NELL1: variants seen among roughly 807,000 people sequenced by gnomAD.
NELL1 encodes the protein protein kinase C-binding protein NELL1.
Under a neutral mutation model 107.4 loss-of-function variants are expected in NELL1, and 76 were observed. That is an observed-to-expected ratio of 0.71 (90% CI 0.59 to 0.86). The LOEUF is 0.86. Ranked by LOEUF, NELL1 falls within the 40% of genes least tolerant of loss-of-function variation. The pLI is 0.00. For synonymous variants in NELL1, 353 were observed against 341.2 expected (o/e 1.03, Z -0.38); for missense variants, 1,024 against 1,005.5 (o/e 1.02, Z -0.25).
At chr11:20,714,773 C>T (rs1161863322) in intron 2 of NELL1, among the ~76,000 whole-genome samples, 1 of 152,038 alleles carries the variant, frequency 6.6e-6, no homozygotes. Flanking sequence ...AAATACCTAG[C>T]AATTTCCTAC....
At chr11:20,893,376 T>A (rs892598076) in intron 5 of NELL1, among the ~76,000 whole-genome samples, 2 of 150,618 alleles carry the variant, frequency 1.3e-5, no homozygotes, top group African/African-American at 4.9e-5. Flanking sequence ...CGTGTTTTTT[T>A]TTTTAATAAA....
intron 2 of NELL1, among the ~76,000 whole-genome samples, chr11:20,743,826 A>C (rs1406789959): frequency 6.6e-6 from 1 of 152,196 alleles, no homozygotes; most frequent in East Asian, 1.9e-4. Context: ...TGAAAGGCAG[A>C]GTTAAATATC....
At chr11:20,754,790 G>A (rs1352412638) in intron 2 of NELL1, among the ~76,000 whole-genome samples, 1 of 152,082 alleles carries the variant, frequency 6.6e-6, no homozygotes, top group African/African-American at 2.4e-5. Context: ...CGTAACATAA[G>A]AATTCAATTT....
intron 4 of NELL1, among the ~76,000 whole-genome samples, chr11:20,854,336 C>T (rs1309684274): frequency 1.3e-5 from 2 of 152,134 alleles, no homozygotes; most frequent in African/African-American, 2.4e-5. Flanking sequence ...CTTCTTCCAC[C>T]TCTACCCTTC....
intron 12 of NELL1, among the ~76,000 whole-genome samples, chr11:21,050,483 G>A (rs1380119071): frequency 6.6e-6 from 1 of 151,932 alleles, no homozygotes; most frequent in Non-Finnish European, 1.5e-5. Flanking sequence ...CACAGGCTCT[G>A]AAATGACTGG....
intron 2 of NELL1, among the ~76,000 whole-genome samples, chr11:20,682,039 A>G (rs1854201752): frequency 6.6e-6 from 1 of 152,088 alleles, no homozygotes; most frequent in Admixed American, 6.6e-5. Flanking sequence ...CACATCTGCA[A>G]AATCTTTTTT....
Position 21,358,374 on chromosome 11 carries a change from G to A in NELL1, c.1550-12479G>A, listed in dbSNP as rs115194154. Among the ~76,000 whole-genome samples the A allele has an allele frequency of 7.0e-3, 1,067 of 151,744 alleles. 13 individuals carry two copies. Among genetic ancestry groups the A allele is most frequent in the African/African-American group, 0.024 (996 of 41,440 alleles). On this transcript the variant is annotated intron_variant, in intron 14 of 19. Transcript: ENST00000357134. ...AGGTCTTTCACCTCCTTGGGGCTAG[G>A]TGGTATATTTGTAAGGTTTTTTTTG...
chr11:21,223,078 T>C (rs1448838294), intron 13 of NELL1, among the ~76,000 whole-genome samples: 1 of 152,186 alleles, frequency 6.6e-6, no homozygotes, highest in African/African-American at 2.4e-5. Context: ...CCAGTTCAAA[T>C]CCAATCTTTT....
intron 15 of NELL1, among the ~76,000 whole-genome samples, chr11:21,473,289 C>T (rs1258661418): frequency 6.6e-6 from 1 of 151,868 alleles, no homozygotes; most frequent in Admixed American, 6.6e-5. Context: ...CTCTACAAGC[C>T]TCTGGATCTC....
chr11:21,365,854 C>T (rs1851206972), intron 14 of NELL1, among the ~76,000 whole-genome samples: 1 of 151,990 alleles, frequency 6.6e-6, no homozygotes, highest in African/African-American at 2.4e-5. Context: ...TAAAATAATA[C>T]AATTTTGCTC....
intron 12 of NELL1, among the ~76,000 whole-genome samples, chr11:21,049,288 T>C (rs1182970632): frequency 2.0e-5 from 3 of 152,162 alleles, no homozygotes; most frequent in Non-Finnish European, 4.4e-5. Flanking sequence ...AAGGAATAAA[T>C]GTTTCAGGCC....
chr11:21,409,201 A>G (rs1220690034), intron 15 of NELL1, among the ~76,000 whole-genome samples: 8 of 152,152 alleles, frequency 5.3e-5, no homozygotes, highest in Non-Finnish European at 1.2e-4. Flanking sequence ...ACAATGATAG[A>G]TTGGATTAAG....
chr11:20,716,061 T>G (rs747678987), intron 2 of NELL1, among the ~76,000 whole-genome samples: 39 of 152,276 alleles, frequency 2.6e-4, no homozygotes, highest in Non-Finnish European at 4.8e-4. Flanking sequence ...AATATTTTAC[T>G]TAAATACAAC....
At chr11:20,693,510 G>A (rs998228479) in intron 2 of NELL1, among the ~76,000 whole-genome samples, 1 of 152,062 alleles carries the variant, frequency 6.6e-6, no homozygotes, top group African/African-American at 2.4e-5. Flanking sequence ...GCATTTGCTT[G>A]TCTGTAAAGT....
chr11:21,396,935 T>G (rs1244851700), intron 15 of NELL1, among the ~76,000 whole-genome samples: 1 of 151,686 alleles, frequency 6.6e-6, no homozygotes, highest in Non-Finnish European at 1.5e-5. Context: ...TACTTATTTG[T>G]ATTAACATCA....
chr11:20,978,055 G>A (rs749415449), intron 12 of NELL1, among the ~76,000 whole-genome samples: 1 of 152,104 alleles, frequency 6.6e-6, no homozygotes, highest in Admixed American at 6.5e-5. Flanking sequence ...CTCACCCTAA[G>A]CTTACCTAGG....
At chr11:21,080,075 G>A (rs537437760) in intron 12 of NELL1, among the ~76,000 whole-genome samples, 50 of 151,992 alleles carry the variant, frequency 3.3e-4, no homozygotes, top group African/African-American at 9.6e-4. Context: ...TTTATTAAGG[G>A]TTTGAAATGT....
chr11:21,366,463 C>A (rs1851223797), intron 14 of NELL1, among the ~76,000 whole-genome samples: 1 of 152,038 alleles, frequency 6.6e-6, no homozygotes, highest in Non-Finnish European at 1.5e-5. Context: ...TAGGGGCCAG[C>A]TTTTATTTAT....
intron 16 of NELL1, among the ~76,000 whole-genome samples, chr11:21,554,061 A>C (rs1382196483): frequency 6.6e-6 from 1 of 151,866 alleles, no homozygotes; most frequent in African/African-American, 2.4e-5. Context: ...GCCTCTGTGC[A>C]GTAAAACTCT....
Sources: gnomAD v4.1 joint callset for allele counts (sites outside exome capture counted in the v4.1 genomes callset) on GRCh38, gnomAD v4.1.1 for gene constraint, MANE v1.5 for transcripts, NCBI Gene and HGNC (gene_info 2026-07-23, HGNC 2026-07-21) for gene names.